The following ZNF469 variants were observed in gnomAD, a reference collection of about 807,000 sequenced individuals.
ZNF469 encodes the protein zinc finger protein 469.
ZNF469 carries 1 observed loss-of-function variant against 1.0 expected under a neutral mutation model. The ratio of observed to expected loss-of-function variants is 1.00; its 90% CI spans 0.35 to 4.73. The LOEUF is 4.73. Among genes scored for constraint, ZNF469 ranks in the 30% most tolerant of loss-of-function variants. The probability of loss-of-function intolerance (pLI) is 0.16; values close to 1 mark genes in which losing one functional copy is unlikely to be tolerated. For missense variants in ZNF469, 6,100 were observed against 5,356.3 expected (o/e 1.14, Z -4.33); for synonymous variants, 2,703 against 2,363.4 (o/e 1.14, Z -4.17).
the ZNF469 span, among the ~76,000 whole-genome samples, chr16:88,235,236 G>C: frequency 6.6e-6 from 1 of 152,202 alleles, no homozygotes; most frequent in Non-Finnish European, 1.5e-5. Context: ...TTGGTCCCTG[G>C]CTCCCCTCAC....
At chr16:88,153,837 G>A in the ZNF469 span, among the ~76,000 whole-genome samples, 6 of 152,212 alleles carry the variant, frequency 3.9e-5, no homozygotes, top group African/African-American at 1.4e-4. Context: ...GGTAGAATGA[G>A]AGTGAGAGAG....
chr16:88,365,368 C>A, the ZNF469 span, among the ~76,000 whole-genome samples: 1 of 152,238 alleles, frequency 6.6e-6, no homozygotes, highest in Non-Finnish European at 1.5e-5. Flanking sequence ...CCAATCAGAG[C>A]TCTACATTCC....
the ZNF469 span, chr16:88,191,784 G>A: frequency 7.9e-5 from 12 of 152,226 alleles, no homozygotes; most frequent in African/African-American, 1.4e-4. Context: ...CTCTCAGAAC[G>A]CAGGCAGAGG....
chr16:88,417,598 A>G (rs1461576286), intron 1 of ZNF469, among the ~76,000 whole-genome samples: 3 of 152,300 alleles, frequency 2.0e-5, no homozygotes, highest in Admixed American at 1.3e-4. Flanking sequence ...CTCCCCGCAC[A>G]TGGTCCCTCT....
Position 88,432,315 on chromosome 16 carries a change from C to T in ZNF469, c.4845C>T (p.Thr1615=), listed in dbSNP as rs996633320. The change falls in exon 3 of 3, where the codon ACC becomes ACT. Residue 1615 remains threonine, a synonymous_variant. Transcript: ENST00000565624. ...PPSQRRTCQA[T]VPHEDTFSAA... ...CCCAACGGCGCACCTGCCAGGCCAC[C>T]GTGCCCCACGAGGACACGTTCTCGG... is the stretch of plus-strand genomic sequence containing the variant. The T allele has an allele frequency of 3.2e-6, 5 of 1,547,630 alleles. No homozygotes were observed. In the African/African-American group the frequency reaches 4.1e-5, roughly 13 times the overall value.
chr16:88,229,067 C>G, the ZNF469 span, among the ~76,000 whole-genome samples: 2 of 152,242 alleles, frequency 1.3e-5, no homozygotes, highest in Non-Finnish European at 2.9e-5. Context: ...CTCCCCGGGA[C>G]TGCAGACTTT....
At chr16:88,131,898 G>A in the ZNF469 span, among the ~76,000 whole-genome samples, 1 of 152,116 alleles carries the variant, frequency 6.6e-6, no homozygotes, top group African/African-American at 2.4e-5. Flanking sequence ...ACCTGCCCGC[G>A]CCCACCTGCC....
At chr16:88,312,591 T>C in the ZNF469 span, among the ~76,000 whole-genome samples, 2 of 152,268 alleles carry the variant, frequency 1.3e-5, no homozygotes, top group Non-Finnish European at 1.5e-5. Context: ...TGTTTCATTC[T>C]TCAAAAGGCC....
Position 88,433,529 on chromosome 16 carries a change from C to T in ZNF469, c.6059C>T (p.Ala2020Val), listed in dbSNP as rs1252062670. 3 of 1,550,400 alleles carry T rather than the reference C, an allele frequency of 1.9e-6. No homozygotes were observed. The highest frequency in any genetic ancestry group is 2.6e-6 in the Non-Finnish European group (3 of 1,146,930). Residue 2020 changes from alanine (A) to valine (V), a missense_variant, in exon 3 of 3, where the codon GCC becomes GTC. Ala to Val is a moderately conservative substitution (Grantham distance 64). Transcript: ENST00000565624. The part of the protein sequence containing the change: ...GGTDNHASVN[A>V]SPKTALTGPT... ...ACGGACAACCACGCCTCAGTCAATG[C>T]CAGTCCCAAAACAGCGCTGACCGGC...
the ZNF469 span, among the ~76,000 whole-genome samples, chr16:88,216,205 A>G: frequency 6.6e-6 from 1 of 152,162 alleles, no homozygotes; most frequent in African/African-American, 2.4e-5. Flanking sequence ...CTTAAAAGAT[A>G]TTATTTCAGG....
chr16:88,311,624 C>A, the ZNF469 span, among the ~76,000 whole-genome samples: 1 of 152,134 alleles, frequency 6.6e-6, no homozygotes. Context: ...CTGTGCTGGG[C>A]TCCAACTGAG....
chr16:88,382,535 C>T (rs989050598), upstream of ZNF469, among the ~76,000 whole-genome samples: 4 of 152,168 alleles, frequency 2.6e-5, no homozygotes, highest in African/African-American at 4.8e-5. Context: ...CCTTCGAGGG[C>T]CAACTTGAGC....
At chr16:88,206,561 CAAAA>C in the ZNF469 span, among the ~76,000 whole-genome samples, 17 of 149,622 alleles carry the variant, frequency 1.1e-4, no homozygotes, top group South Asian at 2.1e-4. Context: ...TTCTTTATGA[CAAAA>C]AAACAAACAA....
At position 88,430,235 on chromosome 16, in the gene ZNF469, G is replaced by A; in HGVS notation, c.2765G>A (p.Gly922Asp). The change falls in exon 3 of 3, where the codon GGC (glycine) becomes GAC (aspartate). Residue 922 changes from glycine (G) to aspartate (D), a missense_variant. Coordinates refer to ENST00000565624, the MANE Select transcript of ZNF469 (RefSeq NM_001367624.2). ...GGGGACAGGGGCTGCCCAGCCCGAG[G>A]CAGGCCCAAAACGCGTTCCCTGGGT... ...RPGDRGCPAR[G>D]RPKTRSLGLA... 1 of 1,533,280 alleles carries A rather than the reference G, an allele frequency of 6.5e-7. No homozygotes were observed. The allele number at this position is 1,533,280 out of a possible 1,614,324, so 95.0% of individuals were successfully genotyped here.
the ZNF469 span, among the ~76,000 whole-genome samples, chr16:88,349,455 C>A: frequency 6.6e-6 from 1 of 150,472 alleles, no homozygotes; most frequent in South Asian, 2.1e-4. Context: ...ACACACACCA[C>A]ACAAGTACGC....
chr16:88,247,660 G>T, the ZNF469 span, among the ~76,000 whole-genome samples: 1 of 151,380 alleles, frequency 6.6e-6, no homozygotes, highest in Non-Finnish European at 1.5e-5. Flanking sequence ...GTGAGTGAGT[G>T]AATGAGTGAA....
rs376644399 is a variant in ZNF469, at chr16:88,400,070, G to A, written c.-192+16816G>A. Among the ~76,000 whole-genome samples, 18 of 152,378 alleles carry A rather than the reference G, an allele frequency of 1.2e-4. No individual in the cohort carries two copies. In the East Asian group the frequency reaches 3.5e-3, roughly 29 times the overall value. ...GGCTGAAGTGTGGCAGGGACGTGGG[G>A]TGAAGGGAGGCAGTGTCCGGGCCAG... On this transcript the variant is annotated intron_variant, in intron 1 of 2. Transcript: ENST00000565624.
chr16:88,322,267 C>T, the ZNF469 span, among the ~76,000 whole-genome samples: 1 of 152,226 alleles, frequency 6.6e-6, no homozygotes, highest in Non-Finnish European at 1.5e-5. Flanking sequence ...AAATCGGAGG[C>T]CAGGTGAATC....
At chr16:88,349,447 A>C in the ZNF469 span, among the ~76,000 whole-genome samples, 3 of 150,992 alleles carry the variant, frequency 2.0e-5, no homozygotes, top group African/African-American at 7.3e-5. Flanking sequence ...GGCACAATAC[A>C]CACACCACAC....
Sources: gnomAD v4.1 joint callset for allele counts (sites outside exome capture counted in the v4.1 genomes callset) on GRCh38, gnomAD v4.1.1 for gene constraint, MANE v1.5 for transcripts, NCBI Gene and HGNC (gene_info 2026-07-23, HGNC 2026-07-21) for gene names.